NWD1: variants seen among roughly 807,000 people sequenced by gnomAD.
NWD1 encodes the protein NACHT and WD repeat domain containing 1, also known as NACHT domain- and WD repeat-containing protein 1.
Under a neutral mutation model 135.1 loss-of-function variants are expected in NWD1, and 129 were observed. That is an observed-to-expected ratio of 0.96 (90% CI 0.83 to 1.11). The LOEUF (loss-of-function observed/expected upper bound fraction) is 1.11. Among genes scored for constraint, NWD1 ranks in the 50% least tolerant of loss-of-function variants. NWD1 has a pLI of 0.00. For missense variants in NWD1, 1,740 were observed against 1,851.3 expected (o/e 0.94, Z 1.10); for synonymous variants, 773 against 786.0 (o/e 0.98, Z 0.28).
Position 16,749,783 on chromosome 19 carries a change from G to T in NWD1, c.1141G>T (p.Asp381Tyr). 1.2e-6 allele frequency: 2 copies of T among 1,606,620 alleles called. No individual in the cohort carries two copies. Among genetic ancestry groups the T allele is most frequent in the Non-Finnish European group, 1.7e-6 (2 of 1,175,940 alleles). Residue 381 changes from aspartate (D) to tyrosine (Y), a missense_variant, in exon 6 of 19, where the codon GAT becomes TAT. By Grantham distance (160) the Asp-to-Tyr change is radical. Transcript: ENST00000524140. ...RLLGTSQMSS[D>Y]ARGLLKSICF... is the part of the protein sequence containing the mutation. ...GCTGGGGACGTCACAAATGAGCTCAGATGCCCGTGGCCTGCTGAAGAGCAT... is the reference window on the plus strand; with the variant it reads ...GCTGGGGACGTCACAAATGAGCTCATATGCCCGTGGCCTGCTGAAGAGCAT...
In NWD1 at chr19:16,800,075, C is replaced by T; in HGVS notation, c.3649C>T (p.Leu1217Phe). Residue 1217 changes from leucine (L) to phenylalanine (F), a missense_variant, in exon 17 of 19, where the codon CTC becomes TTC. By Grantham distance (22) the Leu-to-Phe change is conservative. Transcript: ENST00000524140. ...TGCACCATTTCTGGACCGCACCGGC[C>T]TCACCGCAGTGTCCCACAATGGAAG... The part of the protein sequence containing the change: ...VPAPFLDRTG[L>F]TAVSHNGSYV... 1 of 1,614,182 alleles carries T rather than the reference C, an allele frequency of 6.2e-7. No individual in the cohort carries two copies. Among genetic ancestry groups the T allele is most frequent in the Non-Finnish European group, 8.5e-7 (1 of 1,179,990 alleles).
intron 3 of NWD1, among the ~76,000 whole-genome samples, chr19:16,734,534 CA>C (rs35642054): frequency 0.32 from 40,003 of 123,598 alleles, 6,064 homozygotes; most frequent in Middle Eastern, 0.5. Flanking sequence ...GACTCCATCT[CA>C]AAAAAAAAAA....
Position 16,773,283 on chromosome 19 carries a change from G to A in NWD1, c.2568G>A (p.Pro856=), listed in dbSNP as rs751456769. Residue 856 remains proline (P), a synonymous_variant, in exon 11 of 19, where the codon CCG becomes CCA. Coordinates refer to ENST00000524140, the MANE Select transcript of NWD1 (RefSeq NM_001007525.5). ...LVPLGGFLQP[P]GGPLRATLSG... ...CCCTCGGAGGATTCCTCCAGCCCCCGGGAGGACCCCTCCGGGCAACTCTCA... is the reference window on the plus strand; with the variant it reads ...CCCTCGGAGGATTCCTCCAGCCCCCAGGAGGACCCCTCCGGGCAACTCTCA... 51 of 1,613,176 alleles carry A rather than the reference G, an allele frequency of 3.2e-5. No individual in the cohort carries two copies. Among genetic ancestry groups the A allele is most frequent in the East Asian group, 2.0e-4 (9 of 44,860 alleles).
intron 12 of NWD1, among the ~76,000 whole-genome samples, chr19:16,787,246 C>G (rs1047983263): frequency 6.6e-6 from 1 of 152,126 alleles, no homozygotes; most frequent in Non-Finnish European, 1.5e-5. Context: ...CCCACCTCAG[C>G]TTCCCGAGTA....
At chr19:16,794,289 C>A (rs1970345885) in intron 14 of NWD1, among the ~76,000 whole-genome samples, 174 bp from the exon 15 acceptor site, 1 of 152,130 alleles carries the variant, frequency 6.6e-6, no homozygotes. Flanking sequence ...TTGCTTGAAC[C>A]CGGGAGGCGG....
chr19:16,812,170 T>C (rs1010818635), intron 18 of NWD1, among the ~76,000 whole-genome samples: 1 of 151,546 alleles, frequency 6.6e-6, no homozygotes, highest in Non-Finnish European at 1.5e-5. Flanking sequence ...TAGCCAGGTG[T>C]GGTGGCACAC....
At chr19:16,784,821 C>T (rs1020821924) in intron 12 of NWD1, among the ~76,000 whole-genome samples, 1 of 151,744 alleles carries the variant, frequency 6.6e-6, no homozygotes, top group African/African-American at 2.4e-5. Context: ...CCCAGCTACT[C>T]AGGAGGCTGA....
intron 12 of NWD1, among the ~76,000 whole-genome samples, chr19:16,788,232 A>AAATAATAATAAT (rs200511332): frequency 1.7e-5 from 2 of 115,428 alleles, no homozygotes; most frequent in East Asian, 2.5e-4. Context: ...CTTCATCTCA[A>AAATAATAATAAT]AATAATAATA....
chr19:16,786,323 T>A (rs914456747), intron 12 of NWD1, among the ~76,000 whole-genome samples: 8 of 151,850 alleles, frequency 5.3e-5, no homozygotes, highest in Non-Finnish European at 7.4e-5. Flanking sequence ...CTTGTTCTGT[T>A]ATTGTATTTT....
intron 11 of NWD1, among the ~76,000 whole-genome samples, chr19:16,774,434 C>T (rs1969528543): frequency 6.6e-6 from 1 of 150,744 alleles, no homozygotes. Flanking sequence ...TACCCTCCCA[C>T]TCTTTCATTC....
At chr19:16,721,990 A>G (rs1967153092) in intron 1 of NWD1, among the ~76,000 whole-genome samples, 1 of 151,886 alleles carries the variant, frequency 6.6e-6, no homozygotes. Context: ...GCACATGCCT[A>G]TAGTTCCAGC....
chr19:16,787,272 G>A (rs540588366), intron 12 of NWD1, among the ~76,000 whole-genome samples: 1 of 152,020 alleles, frequency 6.6e-6, no homozygotes, highest in African/African-American at 2.4e-5. Context: ...GACCACAGGT[G>A]CATGCCACCC....
chr19:16,805,901 A>G lies in NWD1; in HGVS notation c.3737-1685A>G, dbSNP rs144904456. Among the ~76,000 whole-genome samples the G allele has an allele frequency of 8.3e-3, 1,220 of 146,398 alleles. 45 individuals carry two copies. The highest frequency in any genetic ancestry group is 0.068 in the Admixed American group (997 of 14,570). ...CTTTTTTTTTTGAGAGGGAGTTTCC[A>G]TCTGTTGCCCGGGCTGGAGTGCAGT... is the stretch of plus-strand genomic sequence containing the variant. On this transcript the variant is annotated intron_variant, in intron 17 of 18. Transcript: ENST00000524140.
At chr19:16,768,570 C>T (rs1314999998) in intron 10 of NWD1, among the ~76,000 whole-genome samples, 1 of 138,292 alleles carries the variant, frequency 7.2e-6, no homozygotes, top group East Asian at 2.2e-4. Context: ...TTTCTCTACC[C>T]TTTTATGTTC....
chr19:16,809,680 G>T (rs1351596406), intron 18 of NWD1, among the ~76,000 whole-genome samples: 1 of 150,420 alleles, frequency 6.6e-6, no homozygotes, highest in Non-Finnish European at 1.5e-5. Context: ...TCAGCCTCCC[G>T]AGTAGCTGGG....
In NWD1 at chr19:16,787,876, C is replaced by CAATAAT. The variant is rs534816872; in HGVS notation, c.2732-1081_2732-1076dup. Among the ~76,000 whole-genome samples the CAATAAT allele has an allele frequency of 1.4e-3, 163 of 119,462 alleles. 1 individual carries two copies. Among genetic ancestry groups the CAATAAT allele is most frequent in the Middle Eastern group, 4.5e-3 (1 of 222 alleles). The allele number at this position is 119,462 out of a possible 152,430, so 78.4% of individuals were successfully genotyped here. ...CTCCATCTCAAAATAGTAATAATAACAATAATAATAATAATAATAATAATA... is the reference window on the plus strand; with the variant it reads ...CTCCATCTCAAAATAGTAATAATAACAATAATAATAATAATAATAATAATAATAATA... On this transcript the variant is annotated intron_variant, in intron 12 of 18. Coordinates refer to ENST00000524140, the MANE Select transcript of NWD1 (RefSeq NM_001007525.5).
At position 16,773,047 on chromosome 19, in the gene NWD1, C is replaced by A. The variant is rs937505019; in HGVS notation, c.2411-79C>A. Reference sequence around the variant, plus strand: ...GTCTTCTTTTGTTCTGGAGCCCCTGCAGGGAGCAGAGACTCAATTGGCAGG... The same window carrying A: ...GTCTTCTTTTGTTCTGGAGCCCCTGAAGGGAGCAGAGACTCAATTGGCAGG... On this transcript the variant is annotated intron_variant, in intron 10 of 18. Coordinates refer to ENST00000524140, the MANE Select transcript of NWD1 (RefSeq NM_001007525.5). The A allele has an allele frequency of 8.4e-5, 102 of 1,217,916 alleles. 2 individuals carry two copies. The Admixed American group carries it at 1.6e-3, about 19-fold the overall frequency. 75.4% of individuals were successfully genotyped at this position (1,217,916 alleles called of 1,614,324 possible).
At chr19:16,759,077 T>A (rs528467053) in intron 6 of NWD1, 148 bp from the exon 7 acceptor site, 3 of 667,174 alleles carry the variant, frequency 4.5e-6, no homozygotes, top group Non-Finnish European at 8.1e-6. Flanking sequence ...CCGTGCTTGG[T>A]ACCTTGTGGG....
rs1319447189 is a variant in NWD1 at position 16,749,331 on chromosome 19, A to C, written c.689A>C (p.His230Pro). The C allele has an allele frequency of 6.2e-7, 1 of 1,613,770 alleles. No homozygotes were observed. Among genetic ancestry groups the C allele is most frequent in the Non-Finnish European group, 8.5e-7 (1 of 1,179,972 alleles). The change falls in exon 6 of 19, where the codon CAC becomes CCC. Residue 230 changes from histidine to proline, a missense_variant. By Grantham distance (77) the His-to-Pro change is moderately conservative (BLOSUM62 -2). Transcript: ENST00000524140. ...AACCTTCTCAGCAGCCTCAAAAGTC[A>C]CATCACTGACATGCACCCAGGGGTC... ...AQNLLSSLKS[H>P]ITDMHPGVLK...
Sources: allele counts gnomAD v4.1 joint callset (sites outside exome capture counted in the v4.1 genomes callset), GRCh38; gene constraint gnomAD v4.1.1; transcripts MANE v1.5; gene names NCBI Gene and HGNC (gene_info 2026-07-23, HGNC 2026-07-21).